CENPK: variants seen among roughly 807,000 people sequenced by gnomAD.
The protein encoded by CENPK is SoxLZ/Sox6-binding protein Solt.
A neutral mutation model predicts 40.9 loss-of-function variants in CENPK; 46 were observed. That is an observed-to-expected ratio of 1.13 (90% CI 0.89 to 1.44). CENPK has a LOEUF of 1.44. Ranked by LOEUF, CENPK falls within the 40% of genes most tolerant of loss-of-function variation. The pLI is 0.00. For missense variants in CENPK, 288 were observed against 303.5 expected (o/e 0.95, Z 0.38); for synonymous variants, 107 against 104.4 (o/e 1.02, Z -0.15).
chr5:65,552,210 G>A (rs1209983324), intron 4 of CENPK, among the ~76,000 whole-genome samples: 5 of 152,080 alleles, frequency 3.3e-5, no homozygotes, highest in Admixed American at 3.3e-4. Flanking sequence ...CAGCGTAATA[G>A]CAACTAACAA....
At chr5:65,559,907 T>C (rs978792422) in intron 2 of CENPK, among the ~76,000 whole-genome samples, 2 of 151,978 alleles carry the variant, frequency 1.3e-5, no homozygotes, top group Non-Finnish European at 2.9e-5. Context: ...TATAATACTG[T>C]TTTTTAAATG....
At chr5:65,520,286 C>T (rs1203573251) in intron 10 of CENPK, among the ~76,000 whole-genome samples, 1 of 152,124 alleles carries the variant, frequency 6.6e-6, no homozygotes, top group Non-Finnish European at 1.5e-5. Context: ...TGAGTAAAAG[C>T]TCCCTTAGGC....
chr5:65,531,508 ATT>A (rs34443663), intron 6 of CENPK, among the ~76,000 whole-genome samples: 1 of 142,832 alleles, frequency 7.0e-6, no homozygotes, highest in African/African-American at 2.6e-5. Context: ...CTAAAAATCT[ATT>A]TTTTTTTTTT....
intron 2 of CENPK, chr5:65,555,243 A>G (rs1193328049): frequency 5.9e-6 from 1 of 169,548 alleles, no homozygotes; most frequent in African/African-American, 2.4e-5. Flanking sequence ...GGTTACTGAG[A>G]AATTGACAAC....
rs1014098037 is a variant in CENPK at position 65,542,665 on chromosome 5, A to C, written c.288+137T>G. The C allele has an allele frequency of 1.6e-5, 10 of 615,476 alleles. No individual in the cohort carries two copies. The African/African-American group carries it at 1.9e-4, about 12-fold the overall frequency. The allele number at this position is 615,476 out of a possible 1,614,324, so 38.1% of individuals were successfully genotyped here. ...AAAAAAAAAATCAAATATTATGTTC[A>C]ATAAAACATAAATAAAAGCAGAAAA... On this transcript the variant is annotated intron_variant, in intron 6 of 10. Coordinates refer to ENST00000396679, the MANE Select transcript of CENPK (RefSeq NM_022145.5).
chr5:65,559,623 C>G (rs1336711432), intron 2 of CENPK, among the ~76,000 whole-genome samples: 8 of 115,934 alleles, frequency 6.9e-5, no homozygotes, highest in African/African-American at 2.7e-4. Flanking sequence ...AGCGAGACTC[C>G]GTCTCAGAAA....
At chr5:65,541,464 A>C (rs1007006580) in intron 6 of CENPK, 1 of 456,188 alleles carries the variant, frequency 2.2e-6, no homozygotes, top group African/African-American at 2.0e-5. Flanking sequence ...GCTGGTGAGA[A>C]TTCCCCACAC....
At chr5:65,500,949 C>T in the CENPK span, among the ~76,000 whole-genome samples, 49 of 152,098 alleles carry the variant, frequency 3.2e-4, no homozygotes, top group African/African-American at 4.6e-4. Context: ...GGATTACAGG[C>T]GTGAACCATG....
downstream of CENPK, among the ~76,000 whole-genome samples, chr5:65,514,239 T>A (rs1561603008): frequency 8.8e-4 from 10 of 11,404 alleles, 1 homozygote; most frequent in Admixed American, 3.9e-3. Context: ...TCTTTTTTTT[T>A]TTTTTTTTTT....
chr5:65,504,457 C>CAAAA, the CENPK span, among the ~76,000 whole-genome samples: 107 of 99,968 alleles, frequency 1.1e-3, 4 homozygotes, highest in African/African-American at 2.8e-3. Context: ...AATTCCGTAT[C>CAAAA]AAAAAAAAAA....
chr5:65,531,245 G>GTTTT (rs1745755152), intron 6 of CENPK, among the ~76,000 whole-genome samples: 1 of 151,880 alleles, frequency 6.6e-6, no homozygotes, highest in Non-Finnish European at 1.5e-5. Context: ...TCTAACAATG[G>GTTTT]CATTAAATTG....
intron 5 of CENPK, among the ~76,000 whole-genome samples, chr5:65,543,647 G>A (rs932951564): frequency 3.2e-4 from 49 of 152,184 alleles, no homozygotes; most frequent in African/African-American, 1.2e-3. Context: ...ATAATATACT[G>A]AGTGATTGCC....
At chr5:65,532,910 CAAAAAAAAAAAAA>C (rs60713724) in intron 6 of CENPK, among the ~76,000 whole-genome samples, 1 of 37,012 alleles carries the variant, frequency 2.7e-5, no homozygotes, top group Admixed American at 5.8e-4. Context: ...ACTCCATCTC[CAAAAAAAAAAAAA>C]AAAAAAAAAA....
downstream of CENPK, among the ~76,000 whole-genome samples, chr5:65,515,502 C>T (rs1191064189): frequency 2.0e-5 from 3 of 152,082 alleles, no homozygotes; most frequent in African/African-American, 4.8e-5. Context: ...CGCTTCCAGC[C>T]GCATCTCACA....
At chr5:65,559,821 GGACACAT>G (rs961779197) in intron 2 of CENPK, among the ~76,000 whole-genome samples, 5 of 151,864 alleles carry the variant, frequency 3.3e-5, no homozygotes, top group African/African-American at 1.2e-4. Flanking sequence ...ACATACATAT[GGACACAT>G]GACACATGAC....
intron 2 of CENPK, among the ~76,000 whole-genome samples, chr5:65,558,233 G>C (rs1324145835): frequency 6.6e-6 from 1 of 152,126 alleles, no homozygotes; most frequent in African/African-American, 2.4e-5. Context: ...AGGGTTAAAA[G>C]AGACTTTTTC....
intron 2 of CENPK, among the ~76,000 whole-genome samples, chr5:65,555,696 G>T (rs1395987245): frequency 6.6e-6 from 1 of 152,196 alleles, no homozygotes; most frequent in Non-Finnish European, 1.5e-5. Flanking sequence ...ATATTTTCAA[G>T]ATGGAGCCAA....
chr5:65,552,403 CTT>C, intron 4 of CENPK, 88 bp downstream of exon 4: 1 of 790,232 alleles, frequency 1.3e-6, no homozygotes, highest in South Asian at 1.8e-5. Context: ...AGGTATTAAA[CTT>C]GAGAAAAATA....
chr5:65,547,422 C>A (rs1294512489), intron 5 of CENPK, among the ~76,000 whole-genome samples: 1 of 150,570 alleles, frequency 6.6e-6, no homozygotes, highest in Non-Finnish European at 1.5e-5. Context: ...TGAGTATGAG[C>A]AGTTTTTGAG....
Sources: allele counts gnomAD v4.1 joint callset (sites outside exome capture counted in the v4.1 genomes callset), GRCh38; gene constraint gnomAD v4.1.1; transcripts MANE v1.5; gene names NCBI Gene and HGNC (gene_info 2026-07-23, HGNC 2026-07-21).